Variants in INTS9 observed in about 807,000 individuals in gnomAD.
The protein encoded by INTS9 is protein related to CPSF subunits of 74 kDa.
INTS9 carries 55 observed loss-of-function variants against 79.7 expected under a neutral mutation model. That is an observed-to-expected ratio of 0.69 (90% CI 0.56 to 0.86). The LOEUF (loss-of-function observed/expected upper bound fraction) is 0.86. Among genes scored for constraint, INTS9 ranks in the 40% least tolerant of loss-of-function variants. The probability of loss-of-function intolerance (pLI) is 0.00; values close to 1 mark genes in which losing one functional copy is unlikely to be tolerated. For synonymous variants in INTS9, 319 were observed against 325.2 expected, an observed-to-expected ratio of 0.98 and a Z score of 0.20; for missense variants, 721 against 831.5, an observed-to-expected ratio of 0.87 and a Z score of 1.64.
chr8:28,866,718 TGTAATCCCA>T (rs1304189016), intron 1 of INTS9, among the ~76,000 whole-genome samples: 1 of 152,234 alleles, frequency 6.6e-6, no homozygotes, highest in African/African-American at 2.4e-5. Flanking sequence ...GGCTCACGCC[TGTAATCCCA>T]GCACTTTGGG....
At chr8:28,849,159 T>C (rs1433123811) in intron 3 of INTS9, among the ~76,000 whole-genome samples, 2 of 152,228 alleles carry the variant, frequency 1.3e-5, no homozygotes, top group African/African-American at 4.8e-5. Context: ...TTTAAACTCT[T>C]TAGTTTTTCA....
At chr8:28,773,898 C>T (rs1349402534) in intron 14 of INTS9, among the ~76,000 whole-genome samples, 2 of 152,166 alleles carry the variant, frequency 1.3e-5, no homozygotes, top group African/African-American at 4.8e-5. Flanking sequence ...TCTTGGCTTA[C>T]TGCAACCTCT....
intron 3 of INTS9, 107 bp downstream of exon 3, chr8:28,850,106 A>G (rs1353438315): frequency 3.7e-5 from 6 of 161,134 alleles, no homozygotes; most frequent in South Asian, 1.7e-4. Context: ...TTCAGAGAGG[A>G]AAAAAAAAAA....
At chr8:28,797,013 A>G (rs1012988523) in intron 8 of INTS9, 3 of 182,442 alleles carry the variant, frequency 1.6e-5, no homozygotes, top group Non-Finnish European at 3.6e-5. Flanking sequence ...TCTTCTTTTC[A>G]AAATGCTATC....
rs540638297 is a variant in INTS9, at chr8:28,788,194, C to T, written c.1038-305G>A. On this transcript the variant is annotated intron_variant, in intron 10 of 16. Transcript: ENST00000521022. ...TTCCATGGCCTCTTCACCCTATGTC[C>T]CCAGAGTTAACATCTGATATGACTG... Among the ~76,000 whole-genome samples the T allele has an allele frequency of 3.3e-5, 5 of 152,262 alleles. No homozygotes were observed. The South Asian group carries it at 1.0e-3, about 32-fold the overall frequency.
intron 6 of INTS9, 131 bp downstream of exon 6, chr8:28,835,161 T>C (rs1434781678): frequency 1.1e-5 from 7 of 623,516 alleles, no homozygotes; most frequent in Non-Finnish European, 1.9e-5. Flanking sequence ...AACCCTTTCA[T>C]GTATTAGGAA....
intron 1 of INTS9, among the ~76,000 whole-genome samples, chr8:28,885,622 G>C (rs1253786344): frequency 6.6e-6 from 1 of 152,132 alleles, no homozygotes; most frequent in African/African-American, 2.4e-5. Context: ...GAACTGCTTT[G>C]GATTATTTTA....
intron 1 of INTS9, among the ~76,000 whole-genome samples, chr8:28,863,819 G>A (rs1808583566): frequency 6.6e-6 from 1 of 152,002 alleles, no homozygotes; most frequent in Non-Finnish European, 1.5e-5. Context: ...AAAAAGCAAT[G>A]TACAACTACT....
At chr8:28,835,652 T>G (rs986685599) in intron 5 of INTS9, among the ~76,000 whole-genome samples, 6 of 152,212 alleles carry the variant, frequency 3.9e-5, no homozygotes, top group African/African-American at 1.4e-4. Context: ...TCTCTAATCA[T>G]AGAAATCCAC....
At chr8:28,825,846 G>T (rs11778735) in intron 6 of INTS9, among the ~76,000 whole-genome samples, 9 of 152,048 alleles carry the variant, frequency 5.9e-5, no homozygotes, top group African/African-American at 1.2e-4. Flanking sequence ...GTTTCAAGTA[G>T]GGACACAATT....
At chr8:28,822,720 C>T (rs1214056511) in intron 6 of INTS9, among the ~76,000 whole-genome samples, 1 of 152,178 alleles carries the variant, frequency 6.6e-6, no homozygotes, top group Non-Finnish European at 1.5e-5. Flanking sequence ...TTGGACATTT[C>T]AACAGCACTC....
At chr8:28,847,569 CCATTT>C (rs1422962734) in intron 3 of INTS9, among the ~76,000 whole-genome samples, 5 of 152,224 alleles carry the variant, frequency 3.3e-5, no homozygotes, top group East Asian at 1.9e-4. Context: ...GCAGAACATA[CCATTT>C]ATTTAGCATT....
chr8:28,813,442 T>A, intron 7 of INTS9, 50 bp downstream of exon 7: 1 of 1,550,434 alleles, frequency 6.4e-7, no homozygotes, highest in Non-Finnish European at 8.9e-7. Context: ...CAAACAACAA[T>A]ATGAATGGAA....
At chr8:28,887,545 G>A (rs1432116443) in intron 1 of INTS9, among the ~76,000 whole-genome samples, 1 of 152,150 alleles carries the variant, frequency 6.6e-6, no homozygotes, top group Non-Finnish European at 1.5e-5. Context: ...AACAAAATGT[G>A]TTTTTGTTTC....
At chr8:28,828,085 C>T (rs1211275692) in intron 6 of INTS9, among the ~76,000 whole-genome samples, 1 of 152,150 alleles carries the variant, frequency 6.6e-6, no homozygotes, top group African/African-American at 2.4e-5. Context: ...CTCTGAGGGC[C>T]TGCCTTAAGG....
chr8:28,841,979 C>T (rs1807211491), intron 4 of INTS9, among the ~76,000 whole-genome samples: 1 of 152,112 alleles, frequency 6.6e-6, no homozygotes, highest in South Asian at 2.1e-4. Context: ...GTCCCAGCTA[C>T]TCGGAGGCTG....
At chr8:28,842,686 C>T (rs1433321370) in intron 4 of INTS9, among the ~76,000 whole-genome samples, 1 of 151,874 alleles carries the variant, frequency 6.6e-6, no homozygotes, top group Non-Finnish European at 1.5e-5. Context: ...TTTGTCACAT[C>T]CACAATCTCT....
At chr8:28,792,286 A>G (rs921007054) in intron 10 of INTS9, among the ~76,000 whole-genome samples, 5 of 152,182 alleles carry the variant, frequency 3.3e-5, no homozygotes, top group Admixed American at 1.3e-4. Context: ...TCTTCATACT[A>G]TATACTAAAA....
intron 1 of INTS9, among the ~76,000 whole-genome samples, chr8:28,872,630 CCTACTGA>C (rs1809157911): frequency 1.3e-5 from 2 of 152,076 alleles, no homozygotes; most frequent in African/African-American, 4.8e-5. Context: ...CTTCCTCCTT[CCTACTGA>C]CTAGAATAGG....
Sources: allele counts gnomAD v4.1 joint callset (sites outside exome capture counted in the v4.1 genomes callset), GRCh38; gene constraint gnomAD v4.1.1; transcripts MANE v1.5; gene names NCBI Gene and HGNC (gene_info 2026-07-23, HGNC 2026-07-21).